The following FBXO47 variants were observed in gnomAD, a reference collection of about 807,000 sequenced individuals.
FBXO47 encodes F-box only protein 47.
In FBXO47, 34 loss-of-function variants were observed where a neutral mutation model predicts 53.9. The ratio of observed to expected loss-of-function variants is 0.63; its 90% CI spans 0.48 to 0.84. The LOEUF (loss-of-function observed/expected upper bound fraction) is 0.84, where lower values mean the gene tolerates loss of function less well. FBXO47 is among the 40% of genes least tolerant of loss of function. The pLI, the probability that FBXO47 is intolerant of heterozygous loss-of-function variation, is 0.00. For synonymous variants in FBXO47, 165 were observed against 181.6 expected (o/e 0.91, Z 0.73); for missense variants, 485 against 541.3 (o/e 0.90, Z 1.03).
intron 1 of FBXO47, among the ~76,000 whole-genome samples, chr17:38,964,490 G>A (rs977543143): frequency 6.6e-6 from 1 of 151,846 alleles, no homozygotes; most frequent in South Asian, 2.1e-4. Context: ...CAGCTACTTG[G>A]GAGACTGAAG....
At chr17:38,944,427 G>C (rs1904650507) in intron 7 of FBXO47, among the ~76,000 whole-genome samples, 2 of 151,688 alleles carry the variant, frequency 1.3e-5, no homozygotes, top group Admixed American at 6.6e-5. Context: ...AACTGGCCAG[G>C]CGCGGTGGCT....
intron 9 of FBXO47, among the ~76,000 whole-genome samples, chr17:38,941,896 C>CT (rs1225915321): frequency 6.6e-6 from 1 of 151,820 alleles, no homozygotes; most frequent in Non-Finnish European, 1.5e-5. Flanking sequence ...TAGTCTTGAA[C>CT]TCCTGGACTC....
At position 38,944,644 on chromosome 17, in the gene FBXO47, G is replaced by A. The variant is rs533723789; in HGVS notation, c.793+316C>T. Among the ~76,000 whole-genome samples the A allele has an allele frequency of 4.0e-5, 6 of 149,592 alleles. No homozygotes were observed. The East Asian group carries it at 1.2e-3, about 30-fold the overall frequency. ...GTGAACCCGGGAATTGGAGCTCGCA[G>A]TGAGCCGAGATTGCGCCACTGCACT... On this transcript the variant is annotated intron_variant, in intron 7 of 10. Transcript: ENST00000378079.
chr17:38,958,553 C>T (rs1033476822), intron 3 of FBXO47, among the ~76,000 whole-genome samples: 1 of 151,814 alleles, frequency 6.6e-6, no homozygotes, highest in Non-Finnish European at 1.5e-5. Flanking sequence ...TTTGTTTCCT[C>T]TAACTTTAAA....
At chr17:38,945,964 T>C (rs1481046002) in intron 6 of FBXO47, among the ~76,000 whole-genome samples, 2 of 131,984 alleles carry the variant, frequency 1.5e-5, no homozygotes, top group South Asian at 2.3e-4. Context: ...TATATATATA[T>C]AAATATATAA....
chr17:38,957,546 T>G (rs1905611564), intron 3 of FBXO47, among the ~76,000 whole-genome samples: 1 of 152,108 alleles, frequency 6.6e-6, no homozygotes, highest in South Asian at 2.1e-4. Flanking sequence ...AAAGATACAA[T>G]AAGACAAAGA....
chr17:38,955,927 C>G (rs1341058331), intron 4 of FBXO47, among the ~76,000 whole-genome samples: 2 of 136,720 alleles, frequency 1.5e-5, no homozygotes, highest in African/African-American at 2.8e-5. Context: ...CACTGCACTC[C>G]AGCCTAGGCG....
At position 38,962,943 on chromosome 17, in the gene FBXO47, G is replaced by C. The variant is rs748088575; in HGVS notation, c.83C>G (p.Ser28Cys). The change falls in exon 2 of 11, where the codon TCC (serine) becomes TGC (cysteine). Residue 28 changes from serine to cysteine, a missense_variant. Coordinates refer to ENST00000378079, the MANE Select transcript of FBXO47 (RefSeq NM_001008777.3). ...RRSNRQTSCY[S>C]KTLGSGFQPI... ...TTGAAAGCCTGAGCCAAGGGTCTTG[G>C]AATAACAGCTGGTTTGACGATTACT... 2.5e-6 allele frequency: 4 copies of C among 1,613,456 alleles called. No individual in the cohort carries two copies. The highest frequency in any genetic ancestry group is 2.5e-6 in the Non-Finnish European group (3 of 1,179,524).
At chr17:38,943,053 G>A in intron 8 of FBXO47, 133 bp from the exon 9 acceptor site, 1 of 834,854 alleles carries the variant, frequency 1.2e-6, no homozygotes, top group Non-Finnish European at 1.8e-6. Context: ...AGAAAAAAAT[G>A]CTCTAGTTTT....
chr17:38,939,652 CTTTTTTTTT>C lies in FBXO47; in HGVS notation c.1084-929_1084-921del, dbSNP rs970784178. ...AAACTGACTGAAAAGTAAAAGGTTT[CTTTTTTTTT>C]TTTTTTTTTTTTTTTTTGAGACGGA... On this transcript the variant is annotated intron_variant, in intron 9 of 10. Coordinates refer to ENST00000378079, the MANE Select transcript of FBXO47 (RefSeq NM_001008777.3). 3.8e-4 allele frequency among the ~76,000 whole-genome samples: 35 copies of C among 91,118 alleles called. No individual in the cohort carries two copies. The South Asian group carries it at 4.0e-3, about 10-fold the overall frequency. The allele number at this position is 91,118 out of a possible 152,430, so 59.8% of individuals were successfully genotyped here.
intron 3 of FBXO47, among the ~76,000 whole-genome samples, chr17:38,959,702 C>A (rs1259721061): frequency 2.0e-5 from 3 of 148,548 alleles, no homozygotes; most frequent in African/African-American, 5.0e-5. Context: ...GGCCGGAGTG[C>A]ATTTTCACAA....
At chr17:38,949,086 T>C (rs1225582072) in intron 6 of FBXO47, among the ~76,000 whole-genome samples, 1 of 152,142 alleles carries the variant, frequency 6.6e-6, no homozygotes, top group African/African-American at 2.4e-5. Context: ...ATCTGAGTTG[T>C]TTCCATCTTT....
chr17:38,966,582 G>C (rs1906142468), intron 1 of FBXO47, among the ~76,000 whole-genome samples: 1 of 152,176 alleles, frequency 6.6e-6, no homozygotes, highest in South Asian at 2.1e-4. Context: ...TGAGAAATGT[G>C]GACAGTGGGG....
rs1353913668 is a variant in FBXO47, at chr17:38,936,720, CT to C, written c.*454del. 1 of 152,444 alleles carries C rather than the reference CT, an allele frequency of 6.6e-6. No individual in the cohort carries two copies. The highest frequency in any genetic ancestry group is 1.5e-5 in the Non-Finnish European group (1 of 68,260). The allele number at this position is 152,444 out of a possible 1,614,324, so 9.4% of individuals were successfully genotyped here. A position where few individuals can be genotyped will look rare whatever the true frequency, so the allele number is the denominator to read the frequency against. On this transcript the variant is annotated 3_prime_UTR_variant, in exon 11 of 11. Coordinates refer to ENST00000378079, the MANE Select transcript of FBXO47 (RefSeq NM_001008777.3). ...GGTAGTAAAAACTGTGATTTGTATT[CT>C]ACACATTCCAAAACACCATATTGCA...
intron 7 of FBXO47, among the ~76,000 whole-genome samples, chr17:38,944,386 G>A (rs1182614235): frequency 6.6e-6 from 1 of 151,446 alleles, no homozygotes; most frequent in Non-Finnish European, 1.5e-5. Flanking sequence ...GGATAACACG[G>A]TGAAACCCCG....
At chr17:38,943,033 G>A in intron 8 of FBXO47, 113 bp from the exon 9 acceptor site, 2 of 979,436 alleles carry the variant, frequency 2.0e-6, no homozygotes, top group Non-Finnish European at 2.9e-6. Context: ...TAGTGCCAAG[G>A]GAAATGCTCA....
rs183754908 is a variant in FBXO47, at chr17:38,946,930, A to G, written c.617-1794T>C. On this transcript the variant is annotated intron_variant, in intron 6 of 10. Transcript: ENST00000378079. ...AATATATATAAACATATATAAACAT[A>G]TAAATATATATAAACATATATAAAT... Among the ~76,000 whole-genome samples the G allele has an allele frequency of 7.3e-4, 91 of 124,316 alleles. No individual in the cohort carries two copies. In the Middle Eastern group the frequency reaches 0.019, roughly 26 times the overall value. 81.6% of individuals were successfully genotyped at this position (124,316 alleles called of 152,430 possible).
chr17:38,964,905 C>T (rs1338450082), intron 1 of FBXO47, among the ~76,000 whole-genome samples: 3 of 152,138 alleles, frequency 2.0e-5, no homozygotes, highest in Admixed American at 2.0e-4. Context: ...GCAACCTCCC[C>T]CTCCCAGGTT....
chr17:38,938,741 G>C lies in FBXO47; in HGVS notation c.1084-9C>G. 1.9e-6 allele frequency: 3 copies of C among 1,568,674 alleles called. No individual in the cohort carries two copies. Among genetic ancestry groups the C allele is most frequent in the Non-Finnish European group, 2.6e-6 (3 of 1,146,530 alleles). On this transcript the variant is annotated splice_polypyrimidine_tract_variant and intron_variant, in intron 9 of 10. Coordinates refer to ENST00000378079, the MANE Select transcript of FBXO47 (RefSeq NM_001008777.3). ...AGTTCTTTCTCACACACCTGATTTA[G>C]ACATATAAAGCGCTATAAACCTTCA...
Sources: allele counts gnomAD v4.1 joint callset (sites outside exome capture counted in the v4.1 genomes callset), GRCh38; gene constraint gnomAD v4.1.1; transcripts MANE v1.5; gene names NCBI Gene and HGNC (gene_info 2026-07-23, HGNC 2026-07-21).